CLIC6: variants seen among roughly 807,000 people sequenced by gnomAD.
CLIC6 encodes the protein chloride intracellular channel protein 6.
CLIC6 carries 39 observed loss-of-function variants against 49.2 expected under a neutral mutation model. That is an observed-to-expected ratio of 0.79 (90% CI 0.61 to 1.04). CLIC6 has a LOEUF of 1.04. Ranked by LOEUF, CLIC6 falls within the 50% of genes least tolerant of loss-of-function variation. CLIC6 has a pLI of 0.00. For missense variants in CLIC6, 988 were observed against 993.1 expected, an observed-to-expected ratio of 0.99 and a Z score of 0.07; for synonymous variants, 446 against 433.4, an observed-to-expected ratio of 1.03 and a Z score of -0.36.
At chr21:34,694,812 G>A (rs1467910180) in intron 1 of CLIC6, among the ~76,000 whole-genome samples, 1 of 152,172 alleles carries the variant, frequency 6.6e-6, no homozygotes, top group Non-Finnish European at 1.5e-5. Context: ...TTTTCTCCAT[G>A]GCATCCATGG....
rs1218413949 is a variant in CLIC6, at chr21:34,669,922, C to T, written c.534C>T (p.Asp178=). 3.8e-6 allele frequency: 5 copies of T among 1,301,034 alleles called. No homozygotes were observed. Among genetic ancestry groups the T allele is most frequent in the Non-Finnish European group, 3.9e-6 (4 of 1,024,992 alleles). 80.6% of individuals were successfully genotyped at this position (1,301,034 alleles called of 1,614,324 possible). A position where few individuals can be genotyped will look rare whatever the true frequency, so the allele number is the denominator to read the frequency against. Residue 178 remains aspartate, a synonymous_variant, in exon 1 of 6, where the codon GAC becomes GAT. Coordinates refer to ENST00000349499, the MANE Select transcript of CLIC6 (RefSeq NM_053277.3). ...DNIEAEGPAG[D]SVEAEGRVGD... ...TAGAAGCGGAGGGCCCGGCGGGCGA[C>T]AGCGTAGAGGCGGAGGGCCGGGTGG...
intron 5 of CLIC6, among the ~76,000 whole-genome samples, chr21:34,715,509 T>C (rs2056080889): frequency 6.6e-6 from 1 of 152,158 alleles, no homozygotes; most frequent in Non-Finnish European, 1.5e-5. Context: ...ACCCTGCTGA[T>C]ACCCTGATCT....
chr21:34,685,201 C>T (rs901982492), intron 1 of CLIC6, among the ~76,000 whole-genome samples: 21 of 152,136 alleles, frequency 1.4e-4, no homozygotes, highest in East Asian at 1.3e-3. Flanking sequence ...ATCCCCCAAG[C>T]GGTGACCCTG....
intron 1 of CLIC6, among the ~76,000 whole-genome samples, chr21:34,687,098 T>C (rs982677790): frequency 6.6e-6 from 1 of 152,156 alleles, no homozygotes; most frequent in Non-Finnish European, 1.5e-5. Context: ...GACTGATGTC[T>C]CCTCTAAGCT....
intron 1 of CLIC6, chr21:34,706,175 G>C (rs868793511): frequency 7.2e-6 from 4 of 557,938 alleles, no homozygotes; most frequent in Non-Finnish European, 1.3e-5. Flanking sequence ...TTCTGGGGCA[G>C]CCTCACAAAG....
chr21:34,669,687 A>G lies in CLIC6; in HGVS notation c.299A>G (p.Glu100Gly). The change falls in exon 1 of 6, where the codon GAG becomes GGG. Residue 100 changes from glutamate to glycine, a missense_variant. Physicochemically the swap from Glu to Gly is moderately conservative, Grantham distance 98 (BLOSUM62 -2). Coordinates refer to ENST00000349499, the MANE Select transcript of CLIC6 (RefSeq NM_053277.3). ...PEGAEVPQGG[E>G]ETSGAQQVEG... ...GGTGCCGAGGTGCCCCAAGGAGGGG[A>G]GGAGACAAGCGGCGCGCAGCAGGTG... 1.5e-6 allele frequency: 2 copies of G among 1,354,434 alleles called. No homozygotes were observed. The highest frequency in any genetic ancestry group is 1.9e-6 in the Non-Finnish European group (2 of 1,060,460). 83.9% of individuals were successfully genotyped at this position (1,354,434 alleles called of 1,614,324 possible). A position where few individuals can be genotyped will look rare whatever the true frequency, so the allele number is the denominator to read the frequency against.
At chr21:34,688,077 T>C (rs767077014) in intron 1 of CLIC6, among the ~76,000 whole-genome samples, 1 of 152,150 alleles carries the variant, frequency 6.6e-6, no homozygotes, top group Non-Finnish European at 1.5e-5. Flanking sequence ...CAAAAAAAAA[T>C]TTCTTTTCTA....
chr21:34,700,856 G>A lies in CLIC6; in HGVS notation c.1375-6424G>A, dbSNP rs570041660. The stretch of plus-strand genomic sequence containing the variant: ...CCACCTCCGCCACGGGTCAAGGTGT[G>A]CTCAGCCGTCCAGGTGAGCCCTTCT... On this transcript the variant is annotated intron_variant, in intron 1 of 5. Transcript: ENST00000349499. Among the ~76,000 whole-genome samples, 10 of 140,098 alleles carry A rather than the reference G, an allele frequency of 7.1e-5. No homozygotes were observed. In the East Asian group the frequency reaches 1.4e-3, roughly 20 times the overall value. The allele number at this position is 140,098 out of a possible 152,430, so 91.9% of individuals were successfully genotyped here.
chr21:34,672,633 C>T (rs1323593869), intron 1 of CLIC6, among the ~76,000 whole-genome samples: 3 of 152,284 alleles, frequency 2.0e-5, no homozygotes, highest in South Asian at 2.1e-4. Flanking sequence ...CTATCTCCAG[C>T]GCAGAACACA....
intron 5 of CLIC6, among the ~76,000 whole-genome samples, chr21:34,711,458 G>T (rs1412494373): frequency 6.6e-6 from 1 of 152,068 alleles, no homozygotes; most frequent in African/African-American, 2.4e-5. Context: ...TTTGAACCCA[G>T]GAGGCGGAGG....
intron 1 of CLIC6, chr21:34,706,124 T>C (rs1403215374): frequency 1.5e-6 from 1 of 652,008 alleles, no homozygotes; most frequent in Middle Eastern, 3.9e-4. Flanking sequence ...GCTCAAATGC[T>C]GCAGGCTTTG....
At chr21:34,706,582 T>G (rs957682710) in intron 1 of CLIC6, among the ~76,000 whole-genome samples, 1 of 152,234 alleles carries the variant, frequency 6.6e-6, no homozygotes, top group African/African-American at 2.4e-5. Context: ...GCCTTCCTTT[T>G]GTCCTTCTGA....
chr21:34,709,495 C>T lies in CLIC6; in HGVS notation c.1856C>T (p.Thr619Met), dbSNP rs141470374. The T allele has an allele frequency of 1.6e-4, 253 of 1,613,866 alleles. No homozygotes were observed. Among genetic ancestry groups the T allele is most frequent in the Non-Finnish European group, 1.9e-4 (227 of 1,179,870 alleles). The stretch of plus-strand genomic sequence containing the variant: ...AAGTTTCTGGATGGGGACGAGCTGA[C>T]GCTGGCTGACTGCAACCTCTTACCC... ...GRKFLDGDELTLADCNLLPKL... is the reference protein window; with the variant it reads ...GRKFLDGDELMLADCNLLPKL... The change falls in exon 5 of 6, where the codon ACG (threonine) becomes ATG (methionine). Residue 619 changes from threonine (T) to methionine (M), a missense_variant. By Grantham distance (81) the Thr-to-Met change is moderately conservative. Coordinates refer to ENST00000349499, the MANE Select transcript of CLIC6 (RefSeq NM_053277.3).
At position 34,669,595 on chromosome 21, in the gene CLIC6, G is replaced by A. The variant is rs1301141262; in HGVS notation, c.207G>A (p.Pro69=). The part of the protein sequence containing the change: ...EAGGGGPDRG[P]EAEARGTRGA... ...GAGGCGGCGGGCCAGACAGGGGCCC[G>A]GAGGCCGAGGCGCGGGGCACGAGGG... Residue 69 remains proline (P), a synonymous_variant, in exon 1 of 6, where the codon CCG becomes CCA. Coordinates refer to ENST00000349499, the MANE Select transcript of CLIC6 (RefSeq NM_053277.3). 12 of 1,269,710 alleles carry A rather than the reference G, an allele frequency of 9.5e-6. No homozygotes were observed. Among genetic ancestry groups the A allele is most frequent in the Non-Finnish European group, 1.2e-5 (12 of 1,011,416 alleles). The allele number at this position is 1,269,710 out of a possible 1,614,324, so 78.7% of individuals were successfully genotyped here.
chr21:34,681,140 G>A (rs565846028), intron 1 of CLIC6, among the ~76,000 whole-genome samples: 1 of 152,336 alleles, frequency 6.6e-6, no homozygotes, highest in South Asian at 2.1e-4. Context: ...GCATGGCTGG[G>A]GAGGCCTCAG....
Position 34,670,311 on chromosome 21 carries a change from C to T in CLIC6, c.923C>T (p.Ala308Val), listed in dbSNP as rs1989527826. ...GGGGACGGCAGCCTCTCGCCCCAGG[C>T]CGAGGCAATTGAGGTCGCAGCCGGG... ...QSGDGSLSPQ[A>V]EAIEVAAGES... is the part of the protein sequence containing the mutation. Residue 308 changes from alanine to valine, a missense_variant, in exon 1 of 6, where the codon GCC (alanine) becomes GTC (valine). Physicochemically the swap from Ala to Val is moderately conservative, Grantham distance 64. This residue lies in a region of CLIC6 where 647 missense variants were observed against 596.9 expected (regional missense o/e 1.08). Transcript: ENST00000349499. 6.9e-7 allele frequency: 1 copy of T among 1,445,428 alleles called. No individual in the cohort carries two copies. The highest frequency in any genetic ancestry group is 9.1e-7 in the Non-Finnish European group (1 of 1,102,104). 89.5% of individuals were successfully genotyped at this position (1,445,428 alleles called of 1,614,324 possible).
chr21:34,698,263 G>A (rs924412242), intron 1 of CLIC6, among the ~76,000 whole-genome samples: 12 of 152,210 alleles, frequency 7.9e-5, no homozygotes, highest in African/African-American at 2.9e-4. Flanking sequence ...ACGCCACAAG[G>A]AGGCATTAGC....
chr21:34,697,217 G>C (rs556281720), intron 1 of CLIC6, among the ~76,000 whole-genome samples: 17 of 138,850 alleles, frequency 1.2e-4, no homozygotes, highest in African/African-American at 5.4e-4. Context: ...CCTGTGCTAC[G>C]CCAGTGATTT....
intron 1 of CLIC6, among the ~76,000 whole-genome samples, chr21:34,696,432 C>A (rs1990088461): frequency 6.6e-6 from 1 of 152,216 alleles, no homozygotes; most frequent in Non-Finnish European, 1.5e-5. Flanking sequence ...AACAAGCCAA[C>A]TCCCATCACT....
Sources: gnomAD v4.1 joint callset for allele counts (sites outside exome capture counted in the v4.1 genomes callset) on GRCh38, gnomAD v4.1.1 for gene constraint, gnomAD v4.1.1 regional missense constraint, MANE v1.5 for transcripts, NCBI Gene and HGNC (gene_info 2026-07-23, HGNC 2026-07-21) for gene names.